Variants in MAGI1 observed in about 807,000 individuals in gnomAD.
The protein encoded by MAGI1 is membrane-associated guanylate kinase, WW and PDZ domain-containing protein 1.
In MAGI1, 58 loss-of-function variants were observed where a neutral mutation model predicts 139.9. That is an observed-to-expected ratio of 0.41 (90% CI 0.34 to 0.52). MAGI1 has a LOEUF of 0.52. MAGI1 is among the 20% of genes least tolerant of loss of function. The pLI is 0.12. For synonymous variants in MAGI1, 812 were observed against 737.9 expected, an observed-to-expected ratio of 1.10 and a Z score of -1.63; for missense variants, 1,874 against 1,901.6, an observed-to-expected ratio of 0.99 and a Z score of 0.27.
intron 2 of MAGI1, among the ~76,000 whole-genome samples, chr3:65,563,033 CA>C (rs1289368924): frequency 6.6e-6 from 1 of 152,146 alleles, no homozygotes; most frequent in African/African-American, 2.4e-5. Flanking sequence ...AACACACTTG[CA>C]AACCAATTTG....
chr3:65,738,066 C>G (rs951438532), intron 1 of MAGI1, among the ~76,000 whole-genome samples: 2 of 152,222 alleles, frequency 1.3e-5, no homozygotes, highest in Non-Finnish European at 2.9e-5. Context: ...CATCTCACTG[C>G]AGGAGCAAAG....
intron 1 of MAGI1, among the ~76,000 whole-genome samples, chr3:65,684,836 A>G (rs959793104): frequency 1.4e-5 from 2 of 147,244 alleles, no homozygotes; most frequent in African/African-American, 5.0e-5. Flanking sequence ...CAAGCATTTG[A>G]GACCACAGGT....
chr3:65,604,192 CAA>C (rs532216370), intron 2 of MAGI1, among the ~76,000 whole-genome samples: 3 of 136,488 alleles, frequency 2.2e-5, no homozygotes, highest in Admixed American at 7.2e-5. Context: ...CATCCAAATG[CAA>C]AAAAAAAAAG....
At chr3:65,798,513 A>T (rs771838713) in intron 1 of MAGI1, among the ~76,000 whole-genome samples, 1 of 152,198 alleles carries the variant, frequency 6.6e-6, no homozygotes, top group Non-Finnish European at 1.5e-5. Context: ...AGATAGGTGT[A>T]GGGGTGCTGC....
chr3:65,494,759 C>G (rs1273198842), intron 2 of MAGI1, among the ~76,000 whole-genome samples: 2 of 152,224 alleles, frequency 1.3e-5, no homozygotes, highest in Non-Finnish European at 2.9e-5. Flanking sequence ...TGTGCAGTCT[C>G]TGATCATCTG....
chr3:65,530,079 A>G (rs989667409), intron 2 of MAGI1, among the ~76,000 whole-genome samples: 4 of 152,276 alleles, frequency 2.6e-5, no homozygotes, highest in East Asian at 1.9e-4. Flanking sequence ...AAAAAAATGC[A>G]TGAATGAATG....
At chr3:65,679,296 A>G (rs2107504842) in intron 1 of MAGI1, among the ~76,000 whole-genome samples, 1 of 152,302 alleles carries the variant, frequency 6.6e-6, no homozygotes, top group African/African-American at 2.4e-5. Flanking sequence ...TCATCTCAGG[A>G]CCACCCTTTT....
At chr3:65,814,466 T>C (rs1420719198) in intron 1 of MAGI1, among the ~76,000 whole-genome samples, 2 of 152,198 alleles carry the variant, frequency 1.3e-5, no homozygotes, top group East Asian at 3.9e-4. Flanking sequence ...TCAGACCTCC[T>C]GACTTTCATG....
chr3:65,807,834 C>T lies in MAGI1; in HGVS notation c.314-185746G>A, dbSNP rs78645831. ...CCTCTCAAGATAGATACCAGTATCT[C>T]CATGTTACGGATGAGAAAACTGAGT... On this transcript the variant is annotated intron_variant, in intron 1 of 22. Transcript: ENST00000402939. Among the ~76,000 whole-genome samples the T allele has an allele frequency of 1.2e-4, 18 of 152,224 alleles. No individual in the cohort carries two copies. The East Asian group carries it at 3.5e-3, about 29-fold the overall frequency.
chr3:65,889,155 A>T (rs2060644219), intron 1 of MAGI1, among the ~76,000 whole-genome samples: 1 of 152,224 alleles, frequency 6.6e-6, no homozygotes, highest in Non-Finnish European at 1.5e-5. Flanking sequence ...AAAAGACTGA[A>T]ACCACCACAC....
rs1368283090 is a variant in MAGI1, at chr3:65,429,925, T to C, written c.1762A>G (p.Thr588Ala). 2 of 1,614,018 alleles carry C rather than the reference T, an allele frequency of 1.2e-6. No homozygotes were observed. The highest frequency in any genetic ancestry group is 1.1e-5 in the South Asian group (1 of 91,082). Reference sequence around the variant, plus strand: ...CTGTGGCTAGCTGGTGAATCATAGGTCTCTTGCCCATTCACAATAATTGGT... The same window carrying C: ...CTGTGGCTAGCTGGTGAATCATAGGCCTCTTGCCCATTCACAATAATTGGT... ...KEPIIVNGQE[T>A]YDSPASHSSK... The change falls in exon 12 of 23, where the codon ACC becomes GCC. Residue 588 changes from threonine (T) to alanine (A), a missense_variant. This residue lies in a region of MAGI1 where 482 missense variants were observed against 509.6 expected (regional missense o/e 0.95). Transcript: ENST00000402939.
intron 5 of MAGI1, among the ~76,000 whole-genome samples, chr3:65,454,378 T>C (rs1559567477): frequency 2.8e-5 from 4 of 143,324 alleles, no homozygotes; most frequent in African/African-American, 1.0e-4. Flanking sequence ...CTGGGGACTG[T>C]TGTGGGGTTG....
At chr3:65,844,335 G>T in intron 1 of MAGI1, 1 of 316,146 alleles carries the variant, frequency 3.2e-6, no homozygotes, top group South Asian at 2.8e-5. Flanking sequence ...ACATCTAGAT[G>T]ATCTTGACTG....
At chr3:65,694,395 G>A (rs1463801943) in intron 1 of MAGI1, among the ~76,000 whole-genome samples, 1 of 152,132 alleles carries the variant, frequency 6.6e-6, no homozygotes, top group Non-Finnish European at 1.5e-5. Context: ...TAATTGAAAT[G>A]GTATACATAA....
intron 2 of MAGI1, among the ~76,000 whole-genome samples, chr3:65,505,463 G>C (rs1356772268): frequency 1.3e-5 from 2 of 151,078 alleles, no homozygotes; most frequent in African/African-American, 4.9e-5. Flanking sequence ...TATGCAAATA[G>C]TGAAACCTTG....
At chr3:65,834,183 G>A (rs990299873) in intron 1 of MAGI1, among the ~76,000 whole-genome samples, 1 of 152,168 alleles carries the variant, frequency 6.6e-6, no homozygotes. Flanking sequence ...AGAGGAGGTA[G>A]GAACATGAAG....
At chr3:65,686,026 A>C (rs1318845302) in intron 1 of MAGI1, among the ~76,000 whole-genome samples, 1 of 151,696 alleles carries the variant, frequency 6.6e-6, no homozygotes, top group Non-Finnish European at 1.5e-5. Flanking sequence ...CCCAATTGCT[A>C]GGGAAACAAA....
At position 65,900,744 on chromosome 3, in the gene MAGI1, C is replaced by G. The variant is rs545836541; in HGVS notation, c.313+137252G>C. 5.9e-5 allele frequency among the ~76,000 whole-genome samples: 9 copies of G among 152,302 alleles called. No individual in the cohort carries two copies. The South Asian group carries it at 1.9e-3, about 32-fold the overall frequency. ...TAGGTTACAAAAGACATACTTTCAG[C>G]CATCATTTTCGCATAGAACGCCATT... On this transcript the variant is annotated intron_variant, in intron 1 of 22. Transcript: ENST00000402939.
intron 2 of MAGI1, among the ~76,000 whole-genome samples, chr3:65,526,933 GA>G (rs2078412456): frequency 1.3e-5 from 2 of 151,966 alleles, no homozygotes; most frequent in Admixed American, 1.3e-4. Context: ...GCAGGAGTGA[GA>G]AAGGAAAAAA....
Sources: allele counts gnomAD v4.1 joint callset (sites outside exome capture counted in the v4.1 genomes callset), GRCh38; gene constraint gnomAD v4.1.1; regional missense constraint gnomAD v4.1.1; transcripts MANE v1.5; gene names NCBI Gene and HGNC (gene_info 2026-07-23, HGNC 2026-07-21).